The following SEMA6A variants were observed in gnomAD, a reference collection of about 807,000 sequenced individuals.
The protein encoded by SEMA6A is semaphorin 6A.
In SEMA6A, 25 loss-of-function variants were observed where a neutral mutation model predicts 96.8. That is an observed-to-expected ratio of 0.26 (90% confidence interval 0.19 to 0.36). SEMA6A has a LOEUF of 0.36. Among genes scored for constraint, SEMA6A ranks in the 10% least tolerant of loss-of-function variants. SEMA6A has a pLI of 1.00. For missense variants in SEMA6A, 1,363 were observed against 1,323.1 expected (o/e 1.03, Z -0.47); for synonymous variants, 612 against 518.0 (o/e 1.18, Z -2.46).
At chr5:116,567,755 T>C (rs1187721273) in intron 1 of SEMA6A, among the ~76,000 whole-genome samples, 2 of 152,184 alleles carry the variant, frequency 1.3e-5, no homozygotes, top group Admixed American at 1.3e-4. Context: ...TTTATTAACC[T>C]CACGCCACAA....
intron 2 of SEMA6A, chr5:116,502,783 C>CCCTT (rs1281104925): frequency 6.4e-6 from 1 of 157,366 alleles, no homozygotes; most frequent in African/African-American, 2.4e-5. Context: ...GAGGCGAGAG[C>CCCTT]CCTTGTCCAG....
At chr5:116,557,354 G>T (rs920882588) in intron 1 of SEMA6A, among the ~76,000 whole-genome samples, 1 of 152,226 alleles carries the variant, frequency 6.6e-6, no homozygotes, top group African/African-American at 2.4e-5. Context: ...TGGGATTACA[G>T]GCATGAGACA....
At chr5:116,487,006 A>G in intron 9 of SEMA6A, 40 bp from the exon 10 acceptor site, 3 of 1,446,880 alleles carry the variant, frequency 2.1e-6, no homozygotes, top group East Asian at 2.3e-5. Flanking sequence ...AAATGCATTC[A>G]TTTTGCAAGG....
intron 1 of SEMA6A, among the ~76,000 whole-genome samples, chr5:116,535,688 C>T (rs1284846193): frequency 6.6e-6 from 1 of 152,190 alleles, no homozygotes; most frequent in Non-Finnish European, 1.5e-5. Context: ...AGAGGCAGCA[C>T]TTTCAACAAA....
intron 1 of SEMA6A, among the ~76,000 whole-genome samples, chr5:116,532,073 T>C (rs886653594): frequency 6.6e-6 from 1 of 152,178 alleles, no homozygotes; most frequent in African/African-American, 2.4e-5. Context: ...TATTTACAAG[T>C]CAAACGCTTC....
intron 1 of SEMA6A, among the ~76,000 whole-genome samples, chr5:116,506,114 G>C (rs1007819455): frequency 6.6e-6 from 1 of 150,458 alleles, no homozygotes; most frequent in Admixed American, 6.6e-5. Context: ...TAGTAACCTA[G>C]ATGTCTTTGA....
chr5:116,550,246 T>C (rs998095320), intron 1 of SEMA6A: 1 of 152,206 alleles, frequency 6.6e-6, no homozygotes, highest in African/African-American at 2.4e-5. Flanking sequence ...AAAATCAACA[T>C]ATCTACTGAA....
Position 116,482,460 on chromosome 5 carries a change from G to C in SEMA6A, c.1078C>G (p.Arg360Gly). Reference sequence around the variant, plus strand: ...TGCACATACCTGGGCTTAGGAACTCGTTCATCAGGAACTGGTGTCCAGGTG... The same window carrying C: ...TGCACATACCTGGGCTTAGGAACTCCTTCATCAGGAACTGGTGTCCAGGTG... ...DSTWTPVPDE[R>G]VPKPRPGCCA... Residue 360 changes from arginine (R) to glycine (G), a missense_variant, in exon 11 of 19, where the codon CGA becomes GGA. By Grantham distance (125) the Arg-to-Gly change is moderately radical. Around this residue, in one of 2 missense-constraint regions of SEMA6A, gnomAD observed 480 missense variants for 559.5 expected, o/e 0.86. Coordinates refer to ENST00000343348, the MANE Select transcript of SEMA6A (RefSeq NM_020796.5). The C allele has an allele frequency of 1.2e-6, 2 of 1,613,262 alleles. No individual in the cohort carries two copies. The highest frequency in any genetic ancestry group is 1.7e-6 in the Non-Finnish European group (2 of 1,179,536).
chr5:116,473,302 C>T (rs1367129728), intron 16 of SEMA6A, among the ~76,000 whole-genome samples: 2 of 152,236 alleles, frequency 1.3e-5, no homozygotes, highest in African/African-American at 4.8e-5. Context: ...AGTGAATTTC[C>T]TCCAAGTCAC....
At position 116,447,668 on chromosome 5, in the gene SEMA6A, C is replaced by T; in HGVS notation, c.2038G>A (p.Asp680Asn). ...TCCTTGCGCTGCACCACAGCCACGT[C>T]TTTGCGCCGATGATCACAGACGCAG... Reference protein sequence around the residue: ...VYCVCDHRRKDVAVVQRKEKE... With the variant: ...VYCVCDHRRKNVAVVQRKEKE... Residue 680 changes from aspartate (D) to asparagine (N), a missense_variant, in exon 19 of 19, where the codon GAC becomes AAC. Physicochemically the swap from Asp to Asn is conservative, Grantham distance 23. Around this residue, in one of 2 missense-constraint regions of SEMA6A, gnomAD observed 883 missense variants for 763.6 expected, o/e 1.16. Transcript: ENST00000343348. The T allele has an allele frequency of 1.2e-6, 2 of 1,614,034 alleles. No individual in the cohort carries two copies. The highest frequency in any genetic ancestry group is 8.5e-7 in the Non-Finnish European group (1 of 1,179,894).
intron 1 of SEMA6A, among the ~76,000 whole-genome samples, chr5:116,523,174 A>G (rs1016085634): frequency 2.0e-5 from 3 of 152,134 alleles, no homozygotes; most frequent in Non-Finnish European, 2.9e-5. Context: ...AAAGGAGCAA[A>G]GGCATGTTTC....
chr5:116,551,502 C>T (rs966483027), intron 1 of SEMA6A, among the ~76,000 whole-genome samples: 2 of 152,076 alleles, frequency 1.3e-5, no homozygotes, highest in Non-Finnish European at 2.9e-5. Context: ...TAATTTAATC[C>T]TCACAGCAAC....
intron 1 of SEMA6A, among the ~76,000 whole-genome samples, chr5:116,521,742 G>A (rs192010986): frequency 6.6e-6 from 1 of 152,300 alleles, no homozygotes; most frequent in African/African-American, 2.4e-5. Flanking sequence ...GAACTCAAAT[G>A]AGAGAATGTG....
chr5:116,482,176 A>T (rs1437869534), intron 11 of SEMA6A, among the ~76,000 whole-genome samples: 1 of 152,180 alleles, frequency 6.6e-6, no homozygotes, highest in Non-Finnish European at 1.5e-5. Context: ...CAGTTTTCCC[A>T]ACTATAAGCC....
rs541438286 is a variant in SEMA6A at position 116,449,312 on chromosome 5, G to T, written c.1895-1501C>A. 12 of 701,952 alleles carry T rather than the reference G, an allele frequency of 1.7e-5. No homozygotes were observed. In the East Asian group the frequency reaches 3.2e-4, roughly 19 times the overall value. 43.5% of individuals were successfully genotyped at this position (701,952 alleles called of 1,614,324 possible). A position where few individuals can be genotyped will look rare whatever the true frequency, so the allele number is the denominator to read the frequency against. ...ATGGAAATGATAGCAAGACAGAAAA[G>T]GTACCTTCTCTGGTCTCGGGAGACG... On this transcript the variant is annotated intron_variant, in intron 18 of 18. Transcript: ENST00000343348.
At chr5:116,450,324 G>T (rs1045073476) in intron 18 of SEMA6A, among the ~76,000 whole-genome samples, 1 of 152,088 alleles carries the variant, frequency 6.6e-6, no homozygotes, top group African/African-American at 2.4e-5. Flanking sequence ...AAATTTAGGG[G>T]GACTGGATAT....
chr5:116,465,662 G>A (rs1219220704), intron 18 of SEMA6A, among the ~76,000 whole-genome samples: 1 of 152,180 alleles, frequency 6.6e-6, no homozygotes. Context: ...ATGTGTCAAA[G>A]TGTTAAATGG....
intron 1 of SEMA6A, among the ~76,000 whole-genome samples, chr5:116,556,532 A>T (rs1760612781): frequency 6.6e-6 from 1 of 152,206 alleles, no homozygotes; most frequent in Non-Finnish European, 1.5e-5. Flanking sequence ...CTTTATGAGG[A>T]AGGTACCATT....
intron 1 of SEMA6A, among the ~76,000 whole-genome samples, chr5:116,529,554 AAAG>A (rs1759372169): frequency 6.6e-6 from 1 of 152,152 alleles, no homozygotes; most frequent in Admixed American, 6.6e-5. Context: ...AAATAATAAT[AAAG>A]GAGGGAAAAA....
Sources: gnomAD v4.1 joint callset for allele counts (sites outside exome capture counted in the v4.1 genomes callset) on GRCh38, gnomAD v4.1.1 for gene constraint, gnomAD v4.1.1 regional missense constraint, MANE v1.5 for transcripts, NCBI Gene and HGNC (gene_info 2026-07-23, HGNC 2026-07-21) for gene names.